Variants in FSTL4 observed in about 807,000 individuals in gnomAD.
The protein encoded by FSTL4 is follistatin-related protein 4.
FSTL4 carries 28 observed loss-of-function variants against 78.2 expected under a neutral mutation model. The observed-to-expected ratio is 0.36, with a 90% CI of 0.27 to 0.49. FSTL4 has a LOEUF of 0.49. Ranked by LOEUF, FSTL4 falls within the 20% of genes least tolerant of loss-of-function variation. The pLI is 0.98. For missense variants in FSTL4, 922 were observed against 1,084.9 expected (o/e 0.85, Z 2.11); for synonymous variants, 422 against 440.5 (o/e 0.96, Z 0.53).
intron 6 of FSTL4, among the ~76,000 whole-genome samples, chr5:133,258,439 G>C (rs1483999463): frequency 1.3e-5 from 2 of 152,208 alleles, no homozygotes; most frequent in Non-Finnish European, 2.9e-5. Context: ...CTGGGTAAGA[G>C]GGAAACCCTC....
chr5:133,816,893 G>A, the FSTL4 span, among the ~76,000 whole-genome samples: 1 of 152,198 alleles, frequency 6.6e-6, no homozygotes, highest in African/African-American at 2.4e-5. Context: ...CTTAGCTGAA[G>A]CTCTGAACCA....
chr5:133,453,294 T>C (rs1455071927), intron 3 of FSTL4, among the ~76,000 whole-genome samples: 1 of 152,188 alleles, frequency 6.6e-6, no homozygotes, highest in Non-Finnish European at 1.5e-5. Context: ...ATCATCATCA[T>C]CATAATTCCC....
the FSTL4 span, among the ~76,000 whole-genome samples, chr5:133,830,428 G>A: frequency 6.6e-6 from 1 of 152,170 alleles, no homozygotes; most frequent in Non-Finnish European, 1.5e-5. Context: ...AGGAAGTGGG[G>A]GGCCACCATT....
intron 6 of FSTL4, among the ~76,000 whole-genome samples, chr5:133,280,665 C>T (rs1752988153): frequency 6.6e-6 from 1 of 152,186 alleles, no homozygotes; most frequent in African/African-American, 2.4e-5. Context: ...CCTGGGAACA[C>T]ACATCCTCCA....
the FSTL4 span, among the ~76,000 whole-genome samples, chr5:133,764,580 A>T: frequency 6.6e-6 from 1 of 152,192 alleles, no homozygotes; most frequent in Admixed American, 6.5e-5. Context: ...AAGCACAGGC[A>T]CATAAAACCA....
rs370713696 is a variant in FSTL4, at chr5:133,440,758, G to A, written c.161-39772C>T. ...AGCCCAGACACAGCGTGGAAGACACGTTTCAGGCAGGACATGAGAACCACG... is the reference window on the plus strand; with the variant it reads ...AGCCCAGACACAGCGTGGAAGACACATTTCAGGCAGGACATGAGAACCACG... On this transcript the variant is annotated intron_variant, in intron 3 of 15. Coordinates refer to ENST00000265342, the MANE Select transcript of FSTL4 (RefSeq NM_015082.2). This position sits in a 1 kb window ranked among gnomAD's most constrained non-coding sequence, Gnocchi z 4.1. 1.2e-4 allele frequency among the ~76,000 whole-genome samples: 19 copies of A among 152,254 alleles called. No homozygotes were observed. Among genetic ancestry groups the A allele is most frequent in the East Asian group, 9.7e-4 (5 of 5,170 alleles).
At chr5:133,829,049 C>G in the FSTL4 span, among the ~76,000 whole-genome samples, 1 of 152,278 alleles carries the variant, frequency 6.6e-6, no homozygotes, top group East Asian at 1.9e-4. Flanking sequence ...CGAAAGGCAC[C>G]ATTTCTTCAG....
chr5:133,414,014 CT>C (rs1756529278), intron 3 of FSTL4, among the ~76,000 whole-genome samples: 1 of 151,772 alleles, frequency 6.6e-6, no homozygotes, highest in Non-Finnish European at 1.5e-5. Flanking sequence ...TGGCATTCTC[CT>C]TTTGGTGTTT....
At chr5:133,555,720 G>A (rs1173021166) in intron 3 of FSTL4, among the ~76,000 whole-genome samples, 1 of 152,154 alleles carries the variant, frequency 6.6e-6, no homozygotes, top group Non-Finnish European at 1.5e-5. Context: ...TTCCGCTGAA[G>A]TTTCTGAGCA....
intron 3 of FSTL4, among the ~76,000 whole-genome samples, chr5:133,414,842 C>T (rs1580693771): frequency 6.6e-6 from 1 of 152,160 alleles, no homozygotes; most frequent in South Asian, 2.1e-4. Context: ...GCCAGACAGC[C>T]TATTTTCATT....
intron 4 of FSTL4, among the ~76,000 whole-genome samples, chr5:133,321,586 C>T (rs1006998781): frequency 3.9e-5 from 6 of 152,212 alleles, no homozygotes; most frequent in African/African-American, 1.4e-4. Flanking sequence ...TGGCTCACGC[C>T]TATAATCCTA....
the FSTL4 span, among the ~76,000 whole-genome samples, chr5:133,724,510 G>A: frequency 1.3e-5 from 2 of 151,880 alleles, no homozygotes; most frequent in Non-Finnish European, 2.9e-5. Flanking sequence ...GGGGCGGGAA[G>A]AGCACTAGGA....
the FSTL4 span, among the ~76,000 whole-genome samples, chr5:133,688,712 A>G: frequency 2.6e-5 from 4 of 152,204 alleles, no homozygotes; most frequent in Admixed American, 1.3e-4. Context: ...TCTAAAGTCA[A>G]TGATTCTGAC....
chr5:133,741,191 C>G, the FSTL4 span, among the ~76,000 whole-genome samples: 1 of 152,200 alleles, frequency 6.6e-6, no homozygotes, highest in Non-Finnish European at 1.5e-5. Context: ...AACCAAGTGT[C>G]TTAAACCATA....
chr5:133,712,042 C>T, the FSTL4 span, among the ~76,000 whole-genome samples: 8 of 152,308 alleles, frequency 5.3e-5, no homozygotes, highest in African/African-American at 1.9e-4. Context: ...CTATTCTCTC[C>T]ATCCCCAGGC....
chr5:133,725,361 TGATGGGGAAAATGGCCTATTACCAG>T, the FSTL4 span, among the ~76,000 whole-genome samples: 1 of 152,142 alleles, frequency 6.6e-6, no homozygotes, highest in South Asian at 2.1e-4. Flanking sequence ...TTCCGTGCAG[TGATGGGGAAAATGGCCTATTACCAG>T]GATGCAGTAT....
At chr5:133,206,372 T>C (rs1750505228) in intron 14 of FSTL4, among the ~76,000 whole-genome samples, 1 of 151,384 alleles carries the variant, frequency 6.6e-6, no homozygotes, top group African/African-American at 2.4e-5. Flanking sequence ...TATTTATTTT[T>C]TGAGATAAAA....
chr5:133,482,341 A>G (rs146505758), intron 3 of FSTL4, among the ~76,000 whole-genome samples: 1,840 of 152,330 alleles, frequency 0.012, 12 homozygotes, highest in Middle Eastern at 0.024. Flanking sequence ...GCAGAGCAAC[A>G]TTTACTACAA....
At chr5:133,201,852 G>C (rs535121289) in intron 15 of FSTL4, 81 bp downstream of exon 15, 2 of 758,496 alleles carry the variant, frequency 2.6e-6, no homozygotes, top group African/African-American at 1.7e-5. Context: ...AAATGAGCAG[G>C]TCCCATGCTG....
Sources: gnomAD v4.1 joint callset for allele counts (sites outside exome capture counted in the v4.1 genomes callset) on GRCh38, gnomAD v4.1.1 for gene constraint, Gnocchi (gnomAD v3.1) non-coding constraint, MANE v1.5 for transcripts, NCBI Gene and HGNC (gene_info 2026-07-23, HGNC 2026-07-21) for gene names.